The following NME7 variants were observed in gnomAD, a reference collection of about 807,000 sequenced individuals.
The protein encoded by NME7 is NME/NM23 family member 7, also known as nucleoside diphosphate kinase 7.
A neutral mutation model predicts 49.1 loss-of-function variants in NME7; 41 were observed. That is an observed-to-expected ratio of 0.83 (90% confidence interval 0.65 to 1.08). The LOEUF is 1.08. Among genes scored for constraint, NME7 ranks in the 50% least tolerant of loss-of-function variants. The probability of loss-of-function intolerance (pLI) is 0.00; values close to 1 mark genes in which losing one functional copy is unlikely to be tolerated. For missense variants in NME7, 423 were observed against 463.4 expected, an observed-to-expected ratio of 0.91 and a Z score of 0.80; for synonymous variants, 139 against 150.6, an observed-to-expected ratio of 0.92 and a Z score of 0.56.
At chr1:169,333,658 A>T (rs985120632) in intron 1 of NME7, among the ~76,000 whole-genome samples, 3 of 152,120 alleles carry the variant, frequency 2.0e-5, no homozygotes, top group Admixed American at 6.6e-5. Flanking sequence ...TTTAAAAAAA[A>T]AGAAATTTGC....
intron 11 of NME7, among the ~76,000 whole-genome samples, chr1:169,141,446 TATAAACA>T (rs1658592421): frequency 6.6e-6 from 1 of 152,188 alleles, no homozygotes; most frequent in Non-Finnish European, 1.5e-5. Context: ...AGATGAGTTT[TATAAACA>T]ATAAACAGTG....
chr1:169,286,004 A>G (rs1650263222), intron 7 of NME7: 1 of 152,194 alleles, frequency 6.6e-6, no homozygotes, highest in Non-Finnish European at 1.5e-5. Context: ...AACACTGAAA[A>G]CAACCTAAGT....
intron 10 of NME7, among the ~76,000 whole-genome samples, chr1:169,183,583 C>T (rs151022231): frequency 6.6e-5 from 10 of 151,712 alleles, no homozygotes; most frequent in Non-Finnish European, 1.5e-4. Flanking sequence ...GGGCGGATCA[C>T]GAGGTCAGGA....
chr1:169,298,642 C>T lies in NME7; in HGVS notation c.562G>A (p.Ala188Thr). The change falls in exon 6 of 12, where the codon GCT (alanine) becomes ACT (threonine). Residue 188 changes from alanine to threonine, a missense_variant. Ala to Thr is a moderately conservative substitution (Grantham distance 58). Transcript: ENST00000367811. ...AAGAGGGCTCTAATGCTTTCAGAAGCATCTGTGCGTGCCACTCCAGAGTTT... is the reference window on the plus strand; with the variant it reads ...AAGAGGGCTCTAATGCTTTCAGAAGTATCTGTGCGTGCCACTCCAGAGTTT... ...PANSGVARTD[A>T]SESIRALFGT... The T allele has an allele frequency of 6.2e-7, 1 of 1,614,018 alleles. No homozygotes were observed. The highest frequency in any genetic ancestry group is 8.5e-7 in the Non-Finnish European group (1 of 1,179,928).
intron 10 of NME7, among the ~76,000 whole-genome samples, chr1:169,215,109 C>T (rs1258389840): frequency 6.6e-6 from 1 of 152,160 alleles, no homozygotes; most frequent in African/African-American, 2.4e-5. Flanking sequence ...AAGTAGCTCT[C>T]AGTGGAAAGG....
At chr1:169,346,780 T>C (rs1358677747) in intron 1 of NME7, among the ~76,000 whole-genome samples, 1 of 152,262 alleles carries the variant, frequency 6.6e-6, no homozygotes, top group Non-Finnish European at 1.5e-5. Flanking sequence ...CAGATATCTA[T>C]TAAGTATTTG....
At chr1:169,162,378 C>T (rs1213472784) in intron 11 of NME7, among the ~76,000 whole-genome samples, 1 of 151,564 alleles carries the variant, frequency 6.6e-6, no homozygotes, top group Non-Finnish European at 1.5e-5. Context: ...AGTGGTATCA[C>T]CAAGTTACAG....
At chr1:169,302,261 T>A (rs1172670814) in intron 5 of NME7, 2 of 151,958 alleles carry the variant, frequency 1.3e-5, no homozygotes. Flanking sequence ...CTGCTATATA[T>A]CCAAAAGAAA....
At position 169,298,774 on chromosome 1, in the gene NME7, G is replaced by A. The variant is rs1234284108; in HGVS notation, c.441-11C>T. 6.2e-7 allele frequency: 1 copy of A among 1,607,410 alleles called. No individual in the cohort carries two copies. The highest frequency in any genetic ancestry group is 8.5e-7 in the Non-Finnish European group (1 of 1,175,454). On this transcript the variant is annotated splice_polypyrimidine_tract_variant and intron_variant, in intron 5 of 11. Transcript: ENST00000367811. ...AACTGGATCAGCTCACTACAAAACA[G>A]ATAGAAGATTAGTTTGCTTCTTTTT...
intron 1 of NME7, among the ~76,000 whole-genome samples, chr1:169,325,102 C>T (rs933387895): frequency 6.6e-6 from 1 of 151,322 alleles, no homozygotes; most frequent in East Asian, 1.9e-4. Flanking sequence ...GGAAAATTCC[C>T]GTAATATAAA....
intron 4 of NME7, among the ~76,000 whole-genome samples, chr1:169,303,782 G>A (rs2037250): frequency 0.63 from 96,308 of 151,980 alleles, 30,817 homozygotes; most frequent in East Asian, 0.92. Flanking sequence ...CATCCTGAAC[G>A]TTCTAGAAAC....
chr1:169,153,985 G>A (rs10800406), intron 11 of NME7, among the ~76,000 whole-genome samples: 59,888 of 151,536 alleles, frequency 0.4, 12,169 homozygotes, highest in East Asian at 0.73. Flanking sequence ...AATTACAGGT[G>A]TGAGCTATTG....
chr1:169,268,180 T>TG (rs1299143428), intron 7 of NME7, among the ~76,000 whole-genome samples: 2 of 132,688 alleles, frequency 1.5e-5, no homozygotes, highest in Admixed American at 1.5e-4. Context: ...CCAACAACCA[T>TG]GAAAAAAAGC....
chr1:169,259,017 A>C (rs1649075179), intron 7 of NME7, among the ~76,000 whole-genome samples: 1 of 134,116 alleles, frequency 7.5e-6, no homozygotes, highest in African/African-American at 2.5e-5. Flanking sequence ...ACAACAAAGC[A>C]TCACAACTAC....
At chr1:169,252,914 G>C (rs1369136382) in intron 7 of NME7, among the ~76,000 whole-genome samples, 1 of 149,432 alleles carries the variant, frequency 6.7e-6, no homozygotes, top group Non-Finnish European at 1.5e-5. Context: ...CTGTTCCATT[G>C]ATCTATATCT....
At chr1:169,331,674 GAACAATCTTAAAAAGAAATTTTAAA>G (rs1341357622) in intron 1 of NME7, among the ~76,000 whole-genome samples, 2 of 151,960 alleles carry the variant, frequency 1.3e-5, no homozygotes, top group Non-Finnish European at 2.9e-5. Flanking sequence ...TGCCAACAGT[GAACAATCTTAAAAAGAAATTTTAAA>G]AAGTTATCCC....
chr1:169,327,026 T>C (rs1012784178), intron 1 of NME7, among the ~76,000 whole-genome samples: 4 of 152,360 alleles, frequency 2.6e-5, no homozygotes, highest in Middle Eastern at 3.4e-3. Flanking sequence ...CTCCAGATAA[T>C]ATAAATGACT....
At chr1:169,263,991 A>T (rs540884018) in intron 7 of NME7, among the ~76,000 whole-genome samples, 2 of 133,928 alleles carry the variant, frequency 1.5e-5, no homozygotes, top group East Asian at 4.0e-4. Context: ...TTTCATATCC[A>T]GTCAAACTAA....
chr1:169,174,838 G>A (rs1247805180), intron 10 of NME7, among the ~76,000 whole-genome samples: 4 of 152,204 alleles, frequency 2.6e-5, no homozygotes, highest in Non-Finnish European at 4.4e-5. Flanking sequence ...CCGTGAGTGA[G>A]TGGTGAGTGA....
Sources: allele counts gnomAD v4.1 joint callset (sites outside exome capture counted in the v4.1 genomes callset), GRCh38; gene constraint gnomAD v4.1.1; transcripts MANE v1.5; gene names NCBI Gene and HGNC (gene_info 2026-07-23, HGNC 2026-07-21).